Variants in TDRD12 observed in about 807,000 individuals in gnomAD.
TDRD12 encodes the protein putative ATP-dependent RNA helicase TDRD12.
In TDRD12, 158 loss-of-function variants were observed where a neutral mutation model predicts 133.5. The ratio of observed to expected loss-of-function variants is 1.18; its 90% CI spans 1.04 to 1.35. The LOEUF (loss-of-function observed/expected upper bound fraction) is 1.35, where lower values mean the gene tolerates loss of function less well. Among genes scored for constraint, TDRD12 ranks in the 40% most tolerant of loss-of-function variants. TDRD12 has a pLI of 0.00. For missense variants in TDRD12, 1,443 were observed against 1,321.3 expected (o/e 1.09, Z -1.43); for synonymous variants, 460 against 477.9 (o/e 0.96, Z 0.49).
chr19:32,757,331 GAACAT>G (rs564361795), intron 8 of TDRD12, among the ~76,000 whole-genome samples: 2 of 152,284 alleles, frequency 1.3e-5, no homozygotes, highest in African/African-American at 4.8e-5. Flanking sequence ...GTCACGTAAA[GAACAT>G]AACAGGCACC....
intron 25 of TDRD12, 37 bp downstream of exon 25, chr19:32,813,813 GAATGGGCGGCTA>G: frequency 8.4e-7 from 1 of 1,190,772 alleles, no homozygotes; most frequent in Non-Finnish European, 1.2e-6. Context: ...AAATTTGTTT[GAATGGGCGGCTA>G]AAATTATCCA....
exon 1 of TDRD12, chr19:32,720,084 C>T: frequency 6.5e-7 from 1 of 1,548,396 alleles, no homozygotes; most frequent in Non-Finnish European, 8.7e-7. Flanking sequence ...TGCTCCAGCT[C>T]CTGGTGCTGA....
chr19:32,776,095 C>T (rs1970575544), intron 10 of TDRD12, among the ~76,000 whole-genome samples: 1 of 152,112 alleles, frequency 6.6e-6, no homozygotes, highest in Non-Finnish European at 1.5e-5. Context: ...CGAGTTGGGG[C>T]TTGTGTTGGG....
chr19:32,752,670 G>GT (rs1475167913), intron 6 of TDRD12, among the ~76,000 whole-genome samples: 2 of 152,014 alleles, frequency 1.3e-5, no homozygotes, highest in Non-Finnish European at 2.9e-5. Context: ...CTCCTTCAAA[G>GT]GGGCTTTTGT....
intron 2 of TDRD12, among the ~76,000 whole-genome samples, chr19:32,738,576 G>A (rs1969295754): frequency 6.6e-6 from 1 of 152,234 alleles, no homozygotes. Context: ...AGCACTTTGG[G>A]AGGCTGAGGC....
At chr19:32,767,931 G>A (rs1970344158) in intron 8 of TDRD12, among the ~76,000 whole-genome samples, 1 of 152,146 alleles carries the variant, frequency 6.6e-6, no homozygotes. Context: ...AGCTAAAAAT[G>A]ATTTTTCCAT....
At chr19:32,785,645 T>C (rs1970886145) in intron 11 of TDRD12, among the ~76,000 whole-genome samples, 2 of 151,550 alleles carry the variant, frequency 1.3e-5, no homozygotes, top group Admixed American at 1.3e-4. Flanking sequence ...TCTAGTTAGC[T>C]CTTCTTGTTG....
At chr19:32,787,083 A>C (rs1297254103) in intron 11 of TDRD12, among the ~76,000 whole-genome samples, 3 of 151,954 alleles carry the variant, frequency 2.0e-5, no homozygotes, top group Non-Finnish European at 2.9e-5. Flanking sequence ...TTGGTCTTTG[A>C]TGTTGGTGAG....
chr19:32,826,746 A>C (rs988614130), intron 9 of TDRD12: 22 of 1,231,868 alleles, frequency 1.8e-5, no homozygotes, highest in Non-Finnish European at 2.2e-5. Flanking sequence ...CCACTTCCCC[A>C]AGGGTAAGGC....
intron 2 of TDRD12, among the ~76,000 whole-genome samples, chr19:32,732,842 T>C (rs1969100667): frequency 6.6e-6 from 1 of 152,204 alleles, no homozygotes; most frequent in East Asian, 1.9e-4. Flanking sequence ...ATTGACTAAT[T>C]GAAGAAGTTA....
intron 8 of TDRD12, among the ~76,000 whole-genome samples, chr19:32,766,374 C>T (rs1220803313): frequency 6.6e-6 from 1 of 152,138 alleles, no homozygotes; most frequent in African/African-American, 2.4e-5. Flanking sequence ...GCATTACAAA[C>T]AATCCAGTTA....
chr19:32,725,970 C>G (rs1216441482), intron 1 of TDRD12, among the ~76,000 whole-genome samples: 1 of 151,940 alleles, frequency 6.6e-6, no homozygotes, highest in African/African-American at 2.4e-5. Flanking sequence ...CTTGTAAAGT[C>G]AATTATTAGT....
chr19:32,802,132 A>G (rs1327260867), intron 19 of TDRD12, among the ~76,000 whole-genome samples: 2 of 143,876 alleles, frequency 1.4e-5, no homozygotes, highest in Non-Finnish European at 3.0e-5. Flanking sequence ...TCACTATCAT[A>G]TATATGATAT....
intron 21 of TDRD12, among the ~76,000 whole-genome samples, 169 bp from the exon 22 acceptor site, chr19:32,807,376 ATTTG>A (rs1483249329): frequency 2.0e-5 from 3 of 150,200 alleles, no homozygotes; most frequent in South Asian, 2.1e-4. Context: ...ATTTTCACTT[ATTTG>A]TATATTATTA....
At chr19:32,722,082 A>C (rs1968701117) in intron 1 of TDRD12, among the ~76,000 whole-genome samples, 1 of 152,122 alleles carries the variant, frequency 6.6e-6, no homozygotes, top group South Asian at 2.1e-4. Context: ...CTCTGAACAA[A>C]GATTCACAAA....
At chr19:32,772,479 T>A (rs1429887119) in intron 8 of TDRD12, among the ~76,000 whole-genome samples, 1 of 152,198 alleles carries the variant, frequency 6.6e-6, no homozygotes, top group Non-Finnish European at 1.5e-5. Context: ...CTGAGGGAAA[T>A]GTCATCTGAC....
intron 26 of TDRD12, among the ~76,000 whole-genome samples, chr19:32,816,313 C>A (rs140868308): frequency 0.014 from 2,117 of 152,310 alleles, 18 homozygotes; most frequent in Non-Finnish European, 0.02. Flanking sequence ...CCTCCCCTCC[C>A]TCTAGGTACT....
At chr19:32,769,372 C>G (rs1440359652) in intron 8 of TDRD12, among the ~76,000 whole-genome samples, 1 of 152,150 alleles carries the variant, frequency 6.6e-6, no homozygotes, top group Non-Finnish European at 1.5e-5. Flanking sequence ...GGAGCTGCAT[C>G]TTCAAGGTGG....
chr19:32,748,430 G>A, intron 4 of TDRD12, 46 bp from the exon 5 acceptor site: 2 of 1,534,318 alleles, frequency 1.3e-6, no homozygotes, highest in South Asian at 1.2e-5. Context: ...TGGTGTGCTA[G>A]CCTCAGATTT....
Sources: allele counts gnomAD v4.1 joint callset (sites outside exome capture counted in the v4.1 genomes callset), GRCh38; gene constraint gnomAD v4.1.1; transcripts MANE v1.5; gene names NCBI Gene and HGNC (gene_info 2026-07-23, HGNC 2026-07-21).